Variants in SRD5A1 observed in about 807,000 individuals in gnomAD.
SRD5A1 encodes steroid 5 alpha-reductase 1, also known as 3-oxo-5-alpha-steroid 4-dehydrogenase 1.
SRD5A1 carries 22 observed loss-of-function variants against 28.2 expected under a neutral mutation model. The observed-to-expected ratio is 0.78, with a 90% CI of 0.56 to 1.12. SRD5A1 has a LOEUF of 1.12. Ranked by LOEUF, SRD5A1 falls within the 50% of genes most tolerant of loss-of-function variation. The pLI, the probability that SRD5A1 is intolerant of heterozygous loss-of-function variation, is 0.00. For missense variants in SRD5A1, 300 were observed against 346.7 expected, an observed-to-expected ratio of 0.87 and a Z score of 1.07; for synonymous variants, 151 against 135.0, an observed-to-expected ratio of 1.12 and a Z score of -0.82.
rs762732077 is a variant in SRD5A1, at chr5:6,633,861, C to T, written c.285C>T (p.Tyr95=). The T allele has an allele frequency of 2.5e-6, 4 of 1,596,964 alleles. No homozygotes were observed. Among genetic ancestry groups the T allele is most frequent in the Non-Finnish European group, 3.4e-6 (4 of 1,179,312 alleles). ...TCCTGGCCATGTTCCTCGTCCACTA[C>T]GGGCATCGGTAACGTCCCCGGCCCC... ...CILLAMFLVH[Y]GHRCLIYPFL... is the part of the protein sequence containing the mutation. Residue 95 remains tyrosine, a synonymous_variant, in exon 1 of 5, where the codon TAC becomes TAT. Transcript: ENST00000274192.
At chr5:6,647,026 G>A (rs530284985) in intron 1 of SRD5A1, among the ~76,000 whole-genome samples, 1 of 152,084 alleles carries the variant, frequency 6.6e-6, no homozygotes, top group Non-Finnish European at 1.5e-5. Context: ...CTTTCATTTT[G>A]TTATTTATCC....
intron 1 of SRD5A1, among the ~76,000 whole-genome samples, chr5:6,636,565 A>T (rs1738190391): frequency 6.6e-6 from 1 of 152,186 alleles, no homozygotes; most frequent in South Asian, 2.1e-4. Flanking sequence ...CAAGGACCAG[A>T]GCCAGGTCCA....
At chr5:6,656,261 T>A in intron 3 of SRD5A1, 82 bp downstream of exon 3, 1 of 1,002,066 alleles carries the variant, frequency 1.0e-6, no homozygotes, top group Non-Finnish European at 1.5e-6. Flanking sequence ...CTCTAAGAAG[T>A]AGTAGCGTAG....
Position 6,651,880 on chromosome 5 carries a change from C to T in SRD5A1, c.332C>T (p.Pro111Leu), listed in dbSNP as rs934410058. Residue 111 changes from proline (P) to leucine (L), a missense_variant, in exon 2 of 5, where the codon CCT becomes CTT. Physicochemically the swap from Pro to Leu is moderately conservative, Grantham distance 98. Around this residue, in one of 2 missense-constraint regions of SRD5A1, gnomAD observed 174 missense variants for 160.9 expected, o/e 1.08. Coordinates refer to ENST00000274192, the MANE Select transcript of SRD5A1 (RefSeq NM_001047.4). ...CCATTTCTGATGCGAGGAGGAAAGC[C>T]TATGCCACTGTTGGCGTGTACAATG... ...IYPFLMRGGKPMPLLACTMAI... is the reference protein window; with the variant it reads ...IYPFLMRGGKLMPLLACTMAI... The T allele has an allele frequency of 2.5e-6, 4 of 1,613,218 alleles. No individual in the cohort carries two copies. The highest frequency in any genetic ancestry group is 3.4e-6 in the Non-Finnish European group (4 of 1,179,762).
At chr5:6,663,948 A>G (rs1739086072) in intron 4 of SRD5A1, among the ~76,000 whole-genome samples, 1 of 152,200 alleles carries the variant, frequency 6.6e-6, no homozygotes. Context: ...TGGATGAGGA[A>G]ACTGAGGTTC....
At chr5:6,664,819 A>G (rs574844456) in intron 4 of SRD5A1, among the ~76,000 whole-genome samples, 1 of 152,394 alleles carries the variant, frequency 6.6e-6, no homozygotes, top group South Asian at 2.1e-4. Context: ...ACGCATAGAC[A>G]GTGAGGAGAG....
Position 6,656,142 on chromosome 5 carries a change from C to T in SRD5A1, c.525C>T (p.Leu175=), listed in dbSNP as rs776939109. 2 of 1,613,870 alleles carry T rather than the reference C, an allele frequency of 1.2e-6. No individual in the cohort carries two copies. Among genetic ancestry groups the T allele is most frequent in the East Asian group, 4.5e-5 (2 of 44,882 alleles). Residue 175 remains leucine (L), a synonymous_variant, in exon 3 of 5, where the codon CTC becomes CTT. Coordinates refer to ENST00000274192, the MANE Select transcript of SRD5A1 (RefSeq NM_001047.4). ...NIHSDHILRN[L]RKPGDTGYKI... ...ATTCAGATCATATCCTAAGGAATCT[C>T]AGAAAACCAGGAGATACTGGATACA...
intron 1 of SRD5A1, among the ~76,000 whole-genome samples, chr5:6,650,546 T>C (rs1738639041): frequency 6.6e-6 from 1 of 152,188 alleles, no homozygotes; most frequent in Non-Finnish European, 1.5e-5. Context: ...GCATTCTCTT[T>C]ATAATTTTCT....
At chr5:6,667,522 T>G (rs953346381) in intron 4 of SRD5A1, among the ~76,000 whole-genome samples, 2 of 152,336 alleles carry the variant, frequency 1.3e-5, no homozygotes, top group Admixed American at 6.5e-5. Flanking sequence ...GAAACTCCCT[T>G]TCTCCATCTT....
At chr5:6,658,502 A>G (rs996403258) in intron 3 of SRD5A1, among the ~76,000 whole-genome samples, 1 of 152,100 alleles carries the variant, frequency 6.6e-6, no homozygotes, top group Non-Finnish European at 1.5e-5. Flanking sequence ...CTAGTAATCA[A>G]CCCAGCTTCC....
At chr5:6,657,245 C>T (rs1177222795) in intron 3 of SRD5A1, among the ~76,000 whole-genome samples, 1 of 152,208 alleles carries the variant, frequency 6.6e-6, no homozygotes, top group African/African-American at 2.4e-5. Context: ...CAGCTCCAGA[C>T]GTGATGGTAG....
intron 2 of SRD5A1, among the ~76,000 whole-genome samples, chr5:6,655,439 T>C (rs943674585): frequency 6.6e-6 from 1 of 152,194 alleles, no homozygotes. Flanking sequence ...GGGAGAACCA[T>C]GCAGGCGGCC....
intron 1 of SRD5A1, among the ~76,000 whole-genome samples, chr5:6,646,909 A>G (rs893873458): frequency 2.0e-5 from 3 of 152,166 alleles, no homozygotes; most frequent in Non-Finnish European, 4.4e-5. Flanking sequence ...TCTTGCGGGC[A>G]TTTAGTGCTA....
intron 4 of SRD5A1, among the ~76,000 whole-genome samples, chr5:6,666,798 T>TGG (rs550726597): frequency 3.3e-5 from 5 of 151,944 alleles, no homozygotes; most frequent in Non-Finnish European, 7.4e-5. Flanking sequence ...CCCAGCCTGG[T>TGG]GGGGGGGCGC....
chr5:6,649,159 G>A (rs1008414161), intron 1 of SRD5A1, among the ~76,000 whole-genome samples: 5 of 152,132 alleles, frequency 3.3e-5, no homozygotes, highest in Non-Finnish European at 5.9e-5. Flanking sequence ...GGTGTCTGTC[G>A]GCCCCTACTG....
chr5:6,636,013 T>C (rs1233940097), intron 1 of SRD5A1, among the ~76,000 whole-genome samples: 2 of 151,996 alleles, frequency 1.3e-5, no homozygotes, highest in Admixed American at 1.3e-4. Flanking sequence ...CCTATACTAA[T>C]AGTTTAAAAG....
rs1298097358 is a variant in SRD5A1 at position 6,633,660 on chromosome 5, C to G, written c.84C>G (p.Phe28Leu). The G allele has an allele frequency of 3.2e-6, 5 of 1,575,950 alleles. No individual in the cohort carries two copies. The South Asian group carries it at 5.6e-5, about 18-fold the overall frequency. The change falls in exon 1 of 5, where the codon TTC becomes TTG. Residue 28 changes from phenylalanine to leucine, a missense_variant. Coordinates refer to ENST00000274192, the MANE Select transcript of SRD5A1 (RefSeq NM_001047.4). ...AGTGCGCCGTGGGCTGCGCGGTCTTCGCGCGCAATCGTCAGACGAACTCAG... is the reference window on the plus strand; with the variant it reads ...AGTGCGCCGTGGGCTGCGCGGTCTTGGCGCGCAATCGTCAGACGAACTCAG... ...YLQCAVGCAV[F>L]ARNRQTNSVY... is the part of the protein sequence containing the mutation.
At chr5:6,664,696 G>A (rs1029023710) in intron 4 of SRD5A1, among the ~76,000 whole-genome samples, 2 of 152,254 alleles carry the variant, frequency 1.3e-5, no homozygotes, top group Non-Finnish European at 2.9e-5. Flanking sequence ...GTGAGCCAAC[G>A]TGGCTGGCCT....
At chr5:6,643,472 T>G (rs764373590) in intron 1 of SRD5A1, among the ~76,000 whole-genome samples, 2 of 152,098 alleles carry the variant, frequency 1.3e-5, no homozygotes, top group Non-Finnish European at 2.9e-5. Flanking sequence ...ACCCAGCTAA[T>G]TTTCATATTT....
Sources: gnomAD v4.1 joint callset for allele counts (sites outside exome capture counted in the v4.1 genomes callset) on GRCh38, gnomAD v4.1.1 for gene constraint, gnomAD v4.1.1 regional missense constraint, MANE v1.5 for transcripts, NCBI Gene and HGNC (gene_info 2026-07-23, HGNC 2026-07-21) for gene names.